Variants in KCNJ3 observed in about 807,000 individuals in gnomAD.
The protein encoded by KCNJ3 is potassium inwardly rectifying channel subfamily J member 3, also known as G protein-activated inward rectifier potassium channel 1.
In KCNJ3, 4 loss-of-function variants were observed where a neutral mutation model predicts 39.2. That is an observed-to-expected ratio of 0.10 (90% CI 0.05 to 0.23). KCNJ3 has a LOEUF of 0.23. KCNJ3 is among the 10% of genes least tolerant of loss of function. KCNJ3 has a pLI of 1.00. For missense variants in KCNJ3, 276 were observed against 634.9 expected, an observed-to-expected ratio of 0.43 and a Z score of 6.08; for synonymous variants, 230 against 237.4, an observed-to-expected ratio of 0.97 and a Z score of 0.29.
intron 2 of KCNJ3, among the ~76,000 whole-genome samples, chr2:154,720,770 C>T (rs1046961384): frequency 2.6e-5 from 4 of 152,080 alleles, no homozygotes; most frequent in African/African-American, 7.2e-5. Flanking sequence ...ATGAACTGAA[C>T]GTATGTGTAT....
chr2:154,765,188 C>G (rs1470061181), intron 2 of KCNJ3, among the ~76,000 whole-genome samples: 1 of 152,110 alleles, frequency 6.6e-6, no homozygotes, highest in Non-Finnish European at 1.5e-5. Context: ...TGCCAAATGT[C>G]CCATGGGGAG....
rs541196051 is a variant in KCNJ3 at position 154,809,060 on chromosome 2, T to G, written c.920-45667T>G. On this transcript the variant is annotated intron_variant, in intron 2 of 2. Transcript: ENST00000295101. ...AGTTCAGTTTCATGGGCCACAATGA[T>G]GTAGCTGGAGTTTGGCTAATCAGCT... Among the ~76,000 whole-genome samples, 9 of 152,302 alleles carry G rather than the reference T, an allele frequency of 5.9e-5. No homozygotes were observed. In the South Asian group the frequency reaches 1.9e-3, roughly 32 times the overall value.
At chr2:154,807,123 C>G (rs1315842055) in intron 2 of KCNJ3, among the ~76,000 whole-genome samples, 1 of 152,152 alleles carries the variant, frequency 6.6e-6, no homozygotes, top group Non-Finnish European at 1.5e-5. Context: ...ACAGAGTGCA[C>G]AGAAACATTC....
chr2:154,762,857 G>A (rs1017640083), intron 2 of KCNJ3, among the ~76,000 whole-genome samples: 7 of 152,142 alleles, frequency 4.6e-5, no homozygotes, highest in Admixed American at 4.6e-4. Flanking sequence ...GGTGGTTAGA[G>A]GGCTGGGAAG....
intron 2 of KCNJ3, among the ~76,000 whole-genome samples, chr2:154,726,290 G>A (rs1343044304): frequency 6.6e-6 from 1 of 151,986 alleles, no homozygotes; most frequent in African/African-American, 2.4e-5. Context: ...CAATCAAAAA[G>A]TGGTCTGAGG....
intron 2 of KCNJ3, among the ~76,000 whole-genome samples, chr2:154,824,688 AAC>A (rs769738501): frequency 2.0e-4 from 30 of 152,252 alleles, no homozygotes; most frequent in Admixed American, 1.9e-3. Flanking sequence ...CAGGAAAACA[AAC>A]AGTGTTTATT....
At chr2:154,827,496 C>T (rs145257010) in intron 2 of KCNJ3, among the ~76,000 whole-genome samples, 19 of 152,084 alleles carry the variant, frequency 1.2e-4, no homozygotes, top group African/African-American at 4.1e-4. Flanking sequence ...AACATCCTGC[C>T]TTATGTTAAT....
At chr2:154,768,259 C>T (rs914267951) in intron 2 of KCNJ3, among the ~76,000 whole-genome samples, 6 of 152,126 alleles carry the variant, frequency 3.9e-5, no homozygotes, top group Non-Finnish European at 8.8e-5. Flanking sequence ...GAAGTCTTTG[C>T]CCATGCCTAT....
chr2:154,706,322 A>T (rs1685008969), intron 1 of KCNJ3, among the ~76,000 whole-genome samples: 1 of 152,260 alleles, frequency 6.6e-6, no homozygotes, highest in Middle Eastern at 3.4e-3. Context: ...AAAGTTTCTT[A>T]TATCATAATG....
intron 2 of KCNJ3, among the ~76,000 whole-genome samples, chr2:154,808,860 T>C (rs1224520074): frequency 6.6e-6 from 1 of 152,202 alleles, no homozygotes; most frequent in Admixed American, 6.6e-5. Context: ...AATCTTTTTC[T>C]GTACATTTTT....
intron 2 of KCNJ3, among the ~76,000 whole-genome samples, chr2:154,766,789 C>T (rs887683568): frequency 5.9e-5 from 9 of 152,124 alleles, no homozygotes; most frequent in Admixed American, 3.3e-4. Flanking sequence ...CTCCTGACCT[C>T]GTGACCCGCC....
intron 2 of KCNJ3, among the ~76,000 whole-genome samples, chr2:154,803,542 C>T (rs1050626144): frequency 2.0e-5 from 3 of 151,788 alleles, no homozygotes; most frequent in Non-Finnish European, 4.4e-5. Flanking sequence ...TGATAAATCA[C>T]ACTCTTTCCT....
chr2:154,714,183 T>A (rs187716968), intron 2 of KCNJ3, among the ~76,000 whole-genome samples: 1 of 152,302 alleles, frequency 6.6e-6, no homozygotes, highest in Admixed American at 6.5e-5. Flanking sequence ...ATTCTTAGCA[T>A]CCCTGACACC....
intron 2 of KCNJ3, among the ~76,000 whole-genome samples, chr2:154,832,350 C>T (rs555131133): frequency 1.3e-5 from 2 of 152,224 alleles, no homozygotes; most frequent in Non-Finnish European, 2.9e-5. Context: ...ATGTTAAATC[C>T]ACCTCTGGCC....
At chr2:154,849,383 G>A (rs1464250823) in intron 2 of KCNJ3, among the ~76,000 whole-genome samples, 1 of 152,080 alleles carries the variant, frequency 6.6e-6, no homozygotes, top group Non-Finnish European at 1.5e-5. Context: ...ATAAAACACA[G>A]CCACAGCTAC....
chr2:154,709,262 G>A, intron 1 of KCNJ3: 1 of 271,428 alleles, frequency 3.7e-6, no homozygotes, highest in Middle Eastern at 1.2e-3. Context: ...CATGCAATGA[G>A]TTATCCTGCA....
intron 2 of KCNJ3, among the ~76,000 whole-genome samples, chr2:154,818,343 C>A (rs1324553713): frequency 6.6e-6 from 1 of 151,624 alleles, no homozygotes; most frequent in Non-Finnish European, 1.5e-5. Context: ...AAACTAGATA[C>A]ATGTTTTTTT....
chr2:154,755,359 T>A (rs1685919559), intron 2 of KCNJ3, among the ~76,000 whole-genome samples: 2 of 151,990 alleles, frequency 1.3e-5, no homozygotes, highest in Non-Finnish European at 2.9e-5. Flanking sequence ...ATATGAGTAT[T>A]CTCTGGTTTT....
At chr2:154,736,804 G>T (rs2105171787) in intron 2 of KCNJ3, among the ~76,000 whole-genome samples, 1 of 152,284 alleles carries the variant, frequency 6.6e-6, no homozygotes, top group African/African-American at 2.4e-5. Context: ...AGGAAGTCCA[G>T]TGATTCCTGA....
Sources: gnomAD v4.1 joint callset for allele counts (sites outside exome capture counted in the v4.1 genomes callset) on GRCh38, gnomAD v4.1.1 for gene constraint, MANE v1.5 for transcripts, NCBI Gene and HGNC (gene_info 2026-07-23, HGNC 2026-07-21) for gene names.